The following FARS2 variants were observed in gnomAD, a reference collection of about 807,000 sequenced individuals.
The protein encoded by FARS2 is phenylalanine--tRNA ligase, mitochondrial.
Under a neutral mutation model 46.4 loss-of-function variants are expected in FARS2, and 40 were observed. That is an observed-to-expected ratio of 0.86 (90% CI 0.67 to 1.12). The LOEUF is 1.12. FARS2 is among the 50% of genes most tolerant of loss of function. FARS2 has a pLI of 0.00. For synonymous variants in FARS2, 234 were observed against 214.9 expected (o/e 1.09, Z -0.78); for missense variants, 513 against 567.9 (o/e 0.90, Z 0.98).
intron 1 of FARS2, among the ~76,000 whole-genome samples, chr6:5,285,961 C>A (rs944757588): frequency 5.3e-5 from 8 of 152,204 alleles, no homozygotes; most frequent in African/African-American, 1.9e-4. Context: ...CCTTCCCACC[C>A]ACGGTCTCAT....
intron 4 of FARS2, among the ~76,000 whole-genome samples, chr6:5,456,243 A>G (rs1472745543): frequency 2.6e-5 from 4 of 151,990 alleles, no homozygotes; most frequent in Admixed American, 2.6e-4. Flanking sequence ...AAAATAAACA[A>G]ATATTTATTG....
intron 5 of FARS2, among the ~76,000 whole-genome samples, chr6:5,568,803 T>C (rs1158261874): frequency 6.6e-6 from 1 of 152,108 alleles, no homozygotes; most frequent in East Asian, 1.9e-4. Flanking sequence ...AAGATGAGGA[T>C]AGATTGGGGC....
At chr6:5,472,155 C>G (rs1258785315) in intron 4 of FARS2, among the ~76,000 whole-genome samples, 1 of 152,192 alleles carries the variant, frequency 6.6e-6, no homozygotes, top group African/African-American at 2.4e-5. Flanking sequence ...CGACGCATGA[C>G]TAATAGGATT....
At position 5,515,800 on chromosome 6, in the gene FARS2, A is replaced by G. The variant is rs17140731; in HGVS notation, c.905-29380A>G. ...GGACTTTAATCAGGTTTTATACCTG[A>G]TACGTCTTAAATTTAATGTATAATT... On this transcript the variant is annotated intron_variant, in intron 4 of 6. Transcript: ENST00000274680. Among the ~76,000 whole-genome samples, 1,155 of 152,326 alleles carry G rather than the reference A, an allele frequency of 7.6e-3. 13 individuals carry two copies. Among genetic ancestry groups the G allele is most frequent in the African/African-American group, 0.026 (1,082 of 41,556 alleles).
intron 3 of FARS2, among the ~76,000 whole-genome samples, chr6:5,414,516 A>G (rs1445059165): frequency 6.6e-6 from 1 of 152,170 alleles, no homozygotes; most frequent in Non-Finnish European, 1.5e-5. Flanking sequence ...ATCCTATTGT[A>G]TGTATTCTCT....
In FARS2 at chr6:5,510,452, C is replaced by T. The variant is rs567040242; in HGVS notation, c.905-34728C>T. Among the ~76,000 whole-genome samples the T allele has an allele frequency of 4.6e-5, 7 of 152,300 alleles. No homozygotes were observed. The East Asian group carries it at 5.8e-4, about 13-fold the overall frequency. Reference sequence around the variant, plus strand: ...AGACCTCAGAGAGCATTTGTCTGACCGTGAGTTCCGCCGCAGCCTGGCCTG... The same window carrying T: ...AGACCTCAGAGAGCATTTGTCTGACTGTGAGTTCCGCCGCAGCCTGGCCTG... On this transcript the variant is annotated intron_variant, in intron 4 of 6. Coordinates refer to ENST00000274680, the MANE Select transcript of FARS2 (RefSeq NM_006567.5).
chr6:5,371,200 T>C lies in FARS2; in HGVS notation c.612+2018T>C, dbSNP rs1759041961. 6 of 984,224 alleles carry C rather than the reference T, an allele frequency of 6.1e-6. No homozygotes were observed. In the Admixed American group the frequency reaches 2.5e-4, roughly 40 times the overall value. The allele number at this position is 984,224 out of a possible 1,614,324, so 61.0% of individuals were successfully genotyped here. ...TATGGAGAGTGGAGTCAGAAGATTGTGGTGTTTTCTGAATTCCTAACCTCA... is the reference window on the plus strand; with the variant it reads ...TATGGAGAGTGGAGTCAGAAGATTGCGGTGTTTTCTGAATTCCTAACCTCA... On this transcript the variant is annotated intron_variant, in intron 2 of 6. Transcript: ENST00000274680.
chr6:5,581,965 A>C (rs1384471770), intron 5 of FARS2, among the ~76,000 whole-genome samples: 5 of 126,984 alleles, frequency 3.9e-5, no homozygotes, highest in African/African-American at 1.5e-4. Flanking sequence ...ATGTGCTTTT[A>C]TAAATGGTCA....
At chr6:5,649,756 A>G (rs1048830053) in intron 6 of FARS2, among the ~76,000 whole-genome samples, 4 of 152,282 alleles carry the variant, frequency 2.6e-5, no homozygotes, top group South Asian at 2.1e-4. Context: ...CCCCCAGTCC[A>G]TGTGATTCTA....
intron 3 of FARS2, among the ~76,000 whole-genome samples, chr6:5,414,761 T>TC (rs1483381637): frequency 6.6e-6 from 1 of 151,862 alleles, no homozygotes; most frequent in African/African-American, 2.4e-5. Context: ...CTTTTTTTTT[T>TC]CTTGAGTAAA....
chr6:5,433,584 A>G (rs1763355666), intron 4 of FARS2, among the ~76,000 whole-genome samples: 1 of 152,230 alleles, frequency 6.6e-6, no homozygotes, highest in African/African-American at 2.4e-5. Flanking sequence ...GAAAAGGAAA[A>G]TCAGCCTAAC....
chr6:5,647,483 C>A (rs1245294253), intron 6 of FARS2, among the ~76,000 whole-genome samples: 1 of 152,166 alleles, frequency 6.6e-6, no homozygotes, highest in African/African-American at 2.4e-5. Context: ...CCAGCCTGGG[C>A]CTGGAAGGCA....
At chr6:5,320,389 A>G (rs708036) in intron 1 of FARS2, among the ~76,000 whole-genome samples, 64,923 of 152,072 alleles carry the variant, frequency 0.43, 14,367 homozygotes, top group African/African-American at 0.54. Flanking sequence ...GTTGACTGAG[A>G]TTCACCTCTG....
chr6:5,742,851 A>G (rs1024959154), intron 6 of FARS2, among the ~76,000 whole-genome samples: 2 of 152,094 alleles, frequency 1.3e-5, no homozygotes, highest in African/African-American at 4.8e-5. Flanking sequence ...TCTTGGATCT[A>G]GGAGGAAAGG....
intron 4 of FARS2, among the ~76,000 whole-genome samples, chr6:5,443,383 C>T (rs1316756091): frequency 6.6e-6 from 1 of 152,206 alleles, no homozygotes; most frequent in Non-Finnish European, 1.5e-5. Context: ...TGTATCTGTG[C>T]ACTTGGTTCC....
chr6:5,631,635 ACT>A (rs1196534275), intron 6 of FARS2, among the ~76,000 whole-genome samples: 1 of 152,084 alleles, frequency 6.6e-6, no homozygotes, highest in African/African-American at 2.4e-5. Flanking sequence ...CTTGGATACC[ACT>A]CTGCCCCACA....
chr6:5,576,095 A>G (rs954674729), intron 5 of FARS2, among the ~76,000 whole-genome samples: 8 of 152,306 alleles, frequency 5.3e-5, no homozygotes, highest in Non-Finnish European at 1.0e-4. Context: ...GAGTCTCATC[A>G]CATTCTATTC....
intron 1 of FARS2, among the ~76,000 whole-genome samples, chr6:5,313,982 A>G (rs1769269139): frequency 6.6e-6 from 1 of 152,234 alleles, no homozygotes; most frequent in Admixed American, 6.5e-5. Context: ...AGTTTCTCAG[A>G]TTACAACGTA....
At chr6:5,524,331 G>A (rs1213247627) in intron 4 of FARS2, among the ~76,000 whole-genome samples, 1 of 152,264 alleles carries the variant, frequency 6.6e-6, no homozygotes, top group African/African-American at 2.4e-5. Context: ...TGACTACAGA[G>A]TGAGCTGGTC....
Sources: allele counts gnomAD v4.1 joint callset (sites outside exome capture counted in the v4.1 genomes callset), GRCh38; gene constraint gnomAD v4.1.1; transcripts MANE v1.5; gene names NCBI Gene and HGNC (gene_info 2026-07-23, HGNC 2026-07-21).